SLIT3: variants seen among roughly 807,000 people sequenced by gnomAD.
SLIT3 encodes the protein slit homolog 3 protein.
In SLIT3, 68 loss-of-function variants were observed where a neutral mutation model predicts 184.0. That is an observed-to-expected ratio of 0.37 (90% CI 0.30 to 0.45). The LOEUF is 0.45. SLIT3 is among the 20% of genes least tolerant of loss of function. The pLI, the probability that SLIT3 is intolerant of heterozygous loss-of-function variation, is 1.00. For synonymous variants in SLIT3, 831 were observed against 828.6 expected (o/e 1.00, Z -0.05); for missense variants, 1,707 against 2,026.0 (o/e 0.84, Z 3.02).
intron 3 of SLIT3, among the ~76,000 whole-genome samples, chr5:169,209,946 A>T (rs10064453): frequency 0.11 from 10,220 of 89,448 alleles, 417 homozygotes; most frequent in East Asian, 0.26. Flanking sequence ...AAAGTATAAT[A>T]AAAAAAAATT....
At chr5:168,965,687 CT>C (rs544276285) in intron 4 of SLIT3, among the ~76,000 whole-genome samples, 1 of 152,204 alleles carries the variant, frequency 6.6e-6, no homozygotes, top group South Asian at 2.1e-4. Context: ...AGACAGAATT[CT>C]TCTCTATCGC....
rs564408745 is a variant in SLIT3, at chr5:168,752,976, G to A, written c.1952C>T (p.Thr651Met). The A allele has an allele frequency of 1.2e-5, 20 of 1,614,014 alleles. No individual in the cohort carries two copies. Among genetic ancestry groups the A allele is most frequent in the South Asian group, 7.7e-5 (7 of 91,066 alleles). Residue 651 changes from threonine (T) to methionine (M), a missense_variant, in exon 18 of 36, where the codon ACG (threonine) becomes ATG (methionine). Around this residue, in one of 3 missense-constraint regions of SLIT3, gnomAD observed 1,307 missense variants for 1,511.6 expected, o/e 0.86. Transcript: ENST00000519560. ...ITTITPGAFT[T>M]LVSLSTINLL... ...TTACATGGTGGACAGGGAGACAAGC[G>A]TGGTGAAGGCCCCAGGGGTGATGGT...
intron 1 of SLIT3, among the ~76,000 whole-genome samples, chr5:169,271,257 A>G (rs1348092726): frequency 2.0e-5 from 3 of 152,148 alleles, no homozygotes; most frequent in African/African-American, 7.2e-5. Context: ...GAAAGAGGCT[A>G]ACTTCGAATA....
In SLIT3 at chr5:169,235,311, A is replaced by G. The variant is rs191953142; in HGVS notation, c.341+9394T>C. 5.7e-4 allele frequency among the ~76,000 whole-genome samples: 87 copies of G among 152,292 alleles called. 1 individual carries two copies. The highest frequency in any genetic ancestry group is 3.4e-3 in the Middle Eastern group (1 of 294). On this transcript the variant is annotated intron_variant, in intron 3 of 35. Coordinates refer to ENST00000519560, the MANE Select transcript of SLIT3 (RefSeq NM_003062.4). ...TTTTAAAATCCATCTAGATTAAAAT[A>G]TATGTATGTATTTTTGGCATAAAAA...
intron 4 of SLIT3, among the ~76,000 whole-genome samples, chr5:169,169,518 A>G (rs1444675533): frequency 6.6e-6 from 1 of 152,218 alleles, no homozygotes; most frequent in Non-Finnish European, 1.5e-5. Context: ...CCATGCAAAA[A>G]GGTCTGAGGC....
chr5:168,755,874 A>T (rs11744189), intron 16 of SLIT3, among the ~76,000 whole-genome samples: 1 of 152,044 alleles, frequency 6.6e-6, no homozygotes, highest in African/African-American at 2.4e-5. Context: ...ACTGCGAGTT[A>T]GCAGTTCTCC....
At chr5:169,140,050 T>A (rs1363498221) in intron 4 of SLIT3, among the ~76,000 whole-genome samples, 1 of 151,868 alleles carries the variant, frequency 6.6e-6, no homozygotes, top group Non-Finnish European at 1.5e-5. Flanking sequence ...GGTGGAGGAA[T>A]CTCTGCAGGG....
chr5:168,681,326 G>A (rs72839507), intron 32 of SLIT3, among the ~76,000 whole-genome samples: 5 of 152,126 alleles, frequency 3.3e-5, no homozygotes, highest in African/African-American at 1.2e-4. Flanking sequence ...CTAGCCCAGG[G>A]TCTGGCCCAA....
intron 4 of SLIT3, among the ~76,000 whole-genome samples, chr5:168,904,850 A>G (rs1208523024): frequency 2.0e-5 from 3 of 152,090 alleles, no homozygotes; most frequent in African/African-American, 7.2e-5. Context: ...CAATGTTACA[A>G]ACTCACAGCC....
chr5:169,038,173 T>C (rs1469749279), intron 4 of SLIT3, among the ~76,000 whole-genome samples: 2 of 152,266 alleles, frequency 1.3e-5, no homozygotes, highest in Admixed American at 6.5e-5. Flanking sequence ...AAATGCTTAA[T>C]GTAAATTTCT....
chr5:168,854,914 A>T (rs1224566789), intron 5 of SLIT3, among the ~76,000 whole-genome samples: 5 of 152,244 alleles, frequency 3.3e-5, no homozygotes, highest in Admixed American at 2.6e-4. Context: ...TAACTGCTGA[A>T]AAAAGGAGCA....
At chr5:169,205,596 T>C (rs1386517375) in intron 3 of SLIT3, among the ~76,000 whole-genome samples, 1 of 152,194 alleles carries the variant, frequency 6.6e-6, no homozygotes, top group Non-Finnish European at 1.5e-5. Flanking sequence ...CATCGGTTGG[T>C]TGGTTCATTG....
At chr5:169,104,943 G>A (rs937889647) in intron 4 of SLIT3, among the ~76,000 whole-genome samples, 3 of 152,120 alleles carry the variant, frequency 2.0e-5, no homozygotes, top group African/African-American at 4.8e-5. Context: ...AGAAACATGC[G>A]CGCCATTTTC....
At chr5:168,734,031 CA>C (rs1393866431) in intron 20 of SLIT3, among the ~76,000 whole-genome samples, 1 of 152,018 alleles carries the variant, frequency 6.6e-6, no homozygotes, top group Non-Finnish European at 1.5e-5. Flanking sequence ...CTGGAGACTA[CA>C]AAAGGTAGGA....
intron 3 of SLIT3, among the ~76,000 whole-genome samples, chr5:169,218,861 G>A (rs908502294): frequency 2.0e-5 from 3 of 152,186 alleles, no homozygotes; most frequent in African/African-American, 7.2e-5. Flanking sequence ...TGTTTAAAAA[G>A]GGATACAACT....
At chr5:168,748,211 T>C in intron 20 of SLIT3, 91 bp downstream of exon 20, 3 of 1,374,792 alleles carry the variant, frequency 2.2e-6, no homozygotes. Flanking sequence ...AGTTTCGCCA[T>C]GTTGCCTTGC....
At chr5:168,914,116 C>A (rs1211119592) in intron 4 of SLIT3, among the ~76,000 whole-genome samples, 1 of 152,186 alleles carries the variant, frequency 6.6e-6, no homozygotes, top group East Asian at 1.9e-4. Flanking sequence ...TCTATGAGAA[C>A]AGTGAACTTC....
Position 168,696,401 on chromosome 5 carries a change from C to T in SLIT3, c.2973G>A (p.Gln991=), listed in dbSNP as rs762814762. The change falls in exon 28 of 36, where the codon CAG becomes CAA. Residue 991 remains glutamine (Q), a synonymous_variant. Transcript: ENST00000519560. ...AGTCATCTGGGTTGATCTCACACCGCTGCCCCTCAAAGCCCAGAGGGCAGG... is the reference window on the plus strand; with the variant it reads ...AGTCATCTGGGTTGATCTCACACCGTTGCCCCTCAAAGCCCAGAGGGCAGG... ...SCSCPLGFEG[Q]RCEINPDDCE... The T allele has an allele frequency of 1.9e-6, 3 of 1,614,168 alleles. No individual in the cohort carries two copies. Among genetic ancestry groups the T allele is most frequent in the Non-Finnish European group, 2.5e-6 (3 of 1,180,048 alleles).
chr5:169,091,580 C>T (rs1045125121), intron 4 of SLIT3, among the ~76,000 whole-genome samples: 2 of 152,200 alleles, frequency 1.3e-5, no homozygotes, highest in Non-Finnish European at 2.9e-5. Context: ...GATAAGCTAC[C>T]TTGACAATCA....
Sources: allele counts gnomAD v4.1 joint callset (sites outside exome capture counted in the v4.1 genomes callset), GRCh38; gene constraint gnomAD v4.1.1; regional missense constraint gnomAD v4.1.1; transcripts MANE v1.5; gene names NCBI Gene and HGNC (gene_info 2026-07-23, HGNC 2026-07-21).